ASIC2: variants seen among roughly 807,000 people sequenced by gnomAD.
The protein encoded by ASIC2 is acid sensing ion channel subunit 2.
ASIC2 carries 25 observed loss-of-function variants against 57.3 expected under a neutral mutation model. The ratio of observed to expected loss-of-function variants is 0.44; its 90% CI spans 0.32 to 0.61. The LOEUF is 0.61. Among genes scored for constraint, ASIC2 ranks in the 20% least tolerant of loss-of-function variants. The pLI is 0.06. For missense variants in ASIC2, 641 were observed against 738.1 expected, an observed-to-expected ratio of 0.87 and a Z score of 1.52; for synonymous variants, 319 against 307.5, an observed-to-expected ratio of 1.04 and a Z score of -0.39.
intron 3 of ASIC2, among the ~76,000 whole-genome samples, chr17:33,043,945 C>A (rs961039226): frequency 1.3e-5 from 2 of 152,186 alleles, no homozygotes; most frequent in African/African-American, 4.8e-5. Flanking sequence ...AAAAAGTGAA[C>A]TACCCATGGT....
intron 1 of ASIC2, among the ~76,000 whole-genome samples, chr17:34,094,591 G>T (rs1382125598): frequency 6.6e-6 from 1 of 152,164 alleles, no homozygotes; most frequent in African/African-American, 2.4e-5. Flanking sequence ...TGTTCAGTTG[G>T]GTTCCACAGC....
chr17:34,135,517 C>A (rs1912101335), intron 1 of ASIC2, among the ~76,000 whole-genome samples: 1 of 152,186 alleles, frequency 6.6e-6, no homozygotes, highest in African/African-American at 2.4e-5. Context: ...GACATCAACC[C>A]AGACTTCTCT....
rs183607018 is a variant in ASIC2, at chr17:33,718,176, T to C, written c.555+437802A>G. On this transcript the variant is annotated intron_variant, in intron 1 of 9. Transcript: ENST00000359872. ...GCTCCTGTATGCTTTAAATCATCTCTAGTTTACTTAGCCCTAATACAATGT... is the reference window on the plus strand; with the variant it reads ...GCTCCTGTATGCTTTAAATCATCTCCAGTTTACTTAGCCCTAATACAATGT... Among the ~76,000 whole-genome samples the C allele has an allele frequency of 2.7e-3, 391 of 144,132 alleles. 2 individuals are homozygous for C. The highest frequency in any genetic ancestry group is 3.7e-3 in the Non-Finnish European group (249 of 67,980). The allele number at this position is 144,132 out of a possible 152,430, so 94.6% of individuals were successfully genotyped here. A position where few individuals can be genotyped will look rare whatever the true frequency, so the allele number is the denominator to read the frequency against.
intron 1 of ASIC2, among the ~76,000 whole-genome samples, chr17:33,597,669 G>A (rs1256712163): frequency 3.3e-5 from 5 of 152,030 alleles, no homozygotes; most frequent in African/African-American, 7.2e-5. Context: ...ACCTTAATAC[G>A]TGATGGAATC....
At chr17:33,578,964 T>C (rs140927333) in intron 1 of ASIC2, among the ~76,000 whole-genome samples, 158 of 152,244 alleles carry the variant, frequency 1.0e-3, no homozygotes, top group African/African-American at 3.7e-3. Context: ...CACCTGGTCC[T>C]AGGGAGCACC....
At chr17:34,152,024 A>T (rs1028568071) in intron 1 of ASIC2, among the ~76,000 whole-genome samples, 5 of 151,996 alleles carry the variant, frequency 3.3e-5, no homozygotes, top group African/African-American at 4.8e-5. Flanking sequence ...AATAATAATA[A>T]TTTTTTTAAA....
At chr17:33,811,410 C>T (rs953298916) in intron 1 of ASIC2, among the ~76,000 whole-genome samples, 11 of 152,226 alleles carry the variant, frequency 7.2e-5, no homozygotes, top group Non-Finnish European at 1.6e-4. Flanking sequence ...ACGCTCATAT[C>T]CCTCCATGTG....
chr17:33,992,412 C>A (rs1297849851), intron 1 of ASIC2, among the ~76,000 whole-genome samples: 1 of 152,196 alleles, frequency 6.6e-6, no homozygotes, highest in Non-Finnish European at 1.5e-5. Context: ...GCAATTCATT[C>A]ATCGAAACTC....
chr17:33,080,112 A>T (rs2092107269), intron 3 of ASIC2, among the ~76,000 whole-genome samples: 1 of 152,110 alleles, frequency 6.6e-6, no homozygotes, highest in South Asian at 2.1e-4. Flanking sequence ...AGGATGCTGT[A>T]ACCTGGGAGA....
chr17:33,373,829 C>T (rs1281102532), intron 1 of ASIC2, among the ~76,000 whole-genome samples: 2 of 152,088 alleles, frequency 1.3e-5, no homozygotes, highest in South Asian at 2.1e-4. Context: ...CAGAGGCCCA[C>T]CACCATGCTG....
intron 1 of ASIC2, among the ~76,000 whole-genome samples, chr17:33,677,207 G>A (rs112170174): frequency 0.045 from 6,835 of 152,268 alleles, 394 homozygotes; most frequent in African/African-American, 0.13. Context: ...CCTTATATTG[G>A]AAGAAGATGC....
At chr17:33,864,972 A>G (rs958853280) in intron 1 of ASIC2, among the ~76,000 whole-genome samples, 1 of 151,922 alleles carries the variant, frequency 6.6e-6, no homozygotes, top group South Asian at 2.1e-4. Flanking sequence ...TTGTGAGTCA[A>G]TTGTAAACCA....
chr17:33,150,169 T>G (rs1429818244), intron 1 of ASIC2, among the ~76,000 whole-genome samples: 1 of 152,228 alleles, frequency 6.6e-6, no homozygotes, highest in Non-Finnish European at 1.5e-5. Context: ...CATGCACACC[T>G]TATTAAAGTT....
chr17:33,155,642 C>A (rs1292389572), intron 1 of ASIC2, among the ~76,000 whole-genome samples: 1 of 150,918 alleles, frequency 6.6e-6, no homozygotes, highest in Non-Finnish European at 1.5e-5. Context: ...TCACTGCAAC[C>A]TCAGCCTCCC....
chr17:33,036,052 C>T (rs1183531152), intron 3 of ASIC2, among the ~76,000 whole-genome samples: 2 of 152,206 alleles, frequency 1.3e-5, no homozygotes, highest in African/African-American at 2.4e-5. Context: ...GTTTTGGTCT[C>T]TCTCCGGTGC....
At chr17:33,436,476 G>C (rs1354189724) in intron 1 of ASIC2, among the ~76,000 whole-genome samples, 1 of 152,104 alleles carries the variant, frequency 6.6e-6, no homozygotes, top group Non-Finnish European at 1.5e-5. Flanking sequence ...AACCCACCCA[G>C]ACTTGTGACT....
chr17:33,905,241 A>C (rs1915323485), intron 1 of ASIC2, among the ~76,000 whole-genome samples: 1 of 149,676 alleles, frequency 6.7e-6, no homozygotes, highest in African/African-American at 2.5e-5. Flanking sequence ...ATTAAGTGGC[A>C]GAACTGGAAT....
intron 1 of ASIC2, among the ~76,000 whole-genome samples, chr17:34,011,363 C>T (rs1190803616): frequency 6.6e-6 from 1 of 152,086 alleles, no homozygotes; most frequent in Admixed American, 6.5e-5. Context: ...TCAGGTCACT[C>T]ACTAAGGCAA....
At chr17:33,369,652 G>A (rs1382281399) in intron 1 of ASIC2, among the ~76,000 whole-genome samples, 2 of 152,158 alleles carry the variant, frequency 1.3e-5, no homozygotes, top group Admixed American at 1.3e-4. Flanking sequence ...ATTACCCCAT[G>A]TTACAGAGGA....
Sources: gnomAD v4.1 joint callset for allele counts (sites outside exome capture counted in the v4.1 genomes callset) on GRCh38, gnomAD v4.1.1 for gene constraint, MANE v1.5 for transcripts, NCBI Gene and HGNC (gene_info 2026-07-23, HGNC 2026-07-21) for gene names.